ANK1: variants seen among roughly 807,000 people sequenced by gnomAD.
ANK1 encodes the protein ankyrin 1.
A neutral mutation model predicts 210.4 loss-of-function variants in ANK1; 51 were observed. The ratio of observed to expected loss-of-function variants is 0.24; its 90% CI spans 0.19 to 0.31. The LOEUF (loss-of-function observed/expected upper bound fraction) is 0.31, where lower values mean the gene tolerates loss of function less well. ANK1 is among the 10% of genes least tolerant of loss of function. The probability of loss-of-function intolerance (pLI) is 1.00; values close to 1 mark genes in which losing one functional copy is unlikely to be tolerated. For missense variants in ANK1, 2,051 were observed against 2,504.4 expected (o/e 0.82, Z 3.86); for synonymous variants, 967 against 1,025.9 (o/e 0.94, Z 1.10).
chr8:41,862,352 A>T (rs1813424292), intron 1 of ANK1, among the ~76,000 whole-genome samples: 1 of 152,158 alleles, frequency 6.6e-6, no homozygotes, highest in African/African-American at 2.4e-5. Flanking sequence ...GCTGAAATGC[A>T]GGTGCATTGG....
At chr8:41,664,974 A>C in intron 39 of ANK1, 2 of 1,614,214 alleles carry the variant, frequency 1.2e-6, no homozygotes, top group South Asian at 2.2e-5. Flanking sequence ...GACCAGGAAG[A>C]AGCTCAGCAG....
chr8:41,871,106 A>G (rs971442214), intron 1 of ANK1, among the ~76,000 whole-genome samples: 3 of 152,132 alleles, frequency 2.0e-5, no homozygotes, highest in African/African-American at 4.8e-5. Context: ...GGCCTCTGCT[A>G]CTATGACCCA....
Position 41,716,772 on chromosome 8 carries a change from C to T in ANK1, c.1404+181G>A, listed in dbSNP as rs579414. On this transcript the variant is annotated intron_variant, in intron 13 of 42. Coordinates refer to ENST00000289734, the MANE Select transcript of ANK1 (RefSeq NM_000037.4). ...GAAATGTGGCTCTCATGCAGAAATACCCCTGGTCTTCTCAAACCCCCTGCA... is the reference window on the plus strand; with the variant it reads ...GAAATGTGGCTCTCATGCAGAAATATCCCTGGTCTTCTCAAACCCCCTGCA... Among the ~76,000 whole-genome samples the T allele has an allele frequency of 0.98, 149,870 of 152,310 alleles. 73,773 individuals are homozygous for T. The highest frequency in any genetic ancestry group is 1 in the East Asian group (5,172 of 5,172).
rs1820300550 is a variant in ANK1, at chr8:41,694,638, G to A, written c.3281C>T (p.Thr1094Met). ...CTTGGTGACGGCATTCTCCGGGAAC[G>A]TTGCCTGTACCAGGGGCACCAGCTT... ...KSKLVPLVQA[T>M]FPENAVTKRV... Residue 1094 changes from threonine to methionine, a missense_variant, in exon 28 of 43, where the codon ACG (threonine) becomes ATG (methionine). This residue lies in a region of ANK1 where 1,413 missense variants were observed against 1,707.4 expected (regional missense o/e 0.83). Coordinates refer to ENST00000289734, the MANE Select transcript of ANK1 (RefSeq NM_000037.4). This position sits in a 1 kb window ranked among gnomAD's most constrained non-coding sequence, Gnocchi z 5.7. 5 of 1,614,058 alleles carry A rather than the reference G, an allele frequency of 3.1e-6. No homozygotes were observed. The highest frequency in any genetic ancestry group is 1.7e-5 in the Admixed American group (1 of 60,020).
intron 1 of ANK1, among the ~76,000 whole-genome samples, chr8:41,873,290 T>C (rs985546438): frequency 1.3e-5 from 2 of 152,236 alleles, no homozygotes; most frequent in Non-Finnish European, 1.5e-5. Context: ...GAAGTCATAT[T>C]TGGTCCATCA....
In ANK1 at chr8:41,725,994, C is replaced by T. The variant is rs777694810; in HGVS notation, c.427-48G>A. ...TTGCTCTGACTCGTCTGACGCCAGC[C>T]GCCCTTCACACGGGACACACCCTTG... is the stretch of plus-strand genomic sequence containing the variant. On this transcript the variant is annotated intron_variant, in intron 5 of 42. Transcript: ENST00000289734. The T allele has an allele frequency of 1.5e-5, 24 of 1,593,078 alleles. No individual in the cohort carries two copies. The South Asian group carries it at 1.9e-4, about 13-fold the overall frequency.
chr8:41,879,231 A>C (rs1274277017), intron 1 of ANK1, among the ~76,000 whole-genome samples: 1 of 152,136 alleles, frequency 6.6e-6, no homozygotes, highest in Non-Finnish European at 1.5e-5. Flanking sequence ...TGGGGACCCC[A>C]GCTTCCCAGT....
intron 1 of ANK1, among the ~76,000 whole-genome samples, chr8:41,879,749 A>T (rs1475377901): frequency 2.0e-5 from 3 of 151,976 alleles, no homozygotes; most frequent in Admixed American, 2.0e-4. Flanking sequence ...TCAAAGCAAC[A>T]CTCCCCTGGA....
chr8:41,725,472 C>G (rs1246293660), intron 6 of ANK1, among the ~76,000 whole-genome samples: 1 of 152,192 alleles, frequency 6.6e-6, no homozygotes, highest in Non-Finnish European at 1.5e-5. Flanking sequence ...AGGCCGCCTC[C>G]TGGGGTTCCA....
Position 41,833,256 on chromosome 8 carries a change from C to A in ANK1, c.126+63099G>T, listed in dbSNP as rs545119798. The stretch of plus-strand genomic sequence containing the variant: ...CCCTAGATAGACTCTGCACCCAGCC[C>A]AGCCTCCCAGGTCTCCCCCAGTCAC... On this transcript the variant is annotated intron_variant, in intron 1 of 42. Transcript: ENST00000265709. 4.5e-4 allele frequency among the ~76,000 whole-genome samples: 68 copies of A among 152,308 alleles called. 1 individual carries two copies. The highest frequency in any genetic ancestry group is 6.8e-3 in the Middle Eastern group (2 of 294).
At chr8:41,662,889 T>A (rs1344489093) in intron 40 of ANK1, among the ~76,000 whole-genome samples, 1 of 152,162 alleles carries the variant, frequency 6.6e-6, no homozygotes, top group Non-Finnish European at 1.5e-5. Flanking sequence ...TAATATCTGC[T>A]ACCAATCCAA....
intron 2 of ANK1, among the ~76,000 whole-genome samples, chr8:41,749,126 T>A (rs1836998765): frequency 6.6e-6 from 1 of 152,158 alleles, no homozygotes; most frequent in Non-Finnish European, 1.5e-5. Context: ...GAATTTGTAA[T>A]CTTTTATCTG....
intron 1 of ANK1, among the ~76,000 whole-genome samples, chr8:41,873,726 G>A (rs1401846780): frequency 6.6e-6 from 1 of 152,226 alleles, no homozygotes; most frequent in Non-Finnish European, 1.5e-5. Context: ...GCACAGCTGT[G>A]GAGTGGAGCC....
chr8:41,705,950 A>G (rs1328141224), intron 18 of ANK1, among the ~76,000 whole-genome samples, 193 bp downstream of exon 18: 1 of 152,242 alleles, frequency 6.6e-6, no homozygotes, highest in Admixed American at 6.5e-5. Context: ...AGGTCTAGCA[A>G]ACTTTAAAAA....
rs1328960189 is a variant in ANK1 at position 41,653,956 on chromosome 8, C to G, written c.*1834G>C. 6.6e-6 allele frequency: 1 copy of G among 152,160 alleles called. No individual in the cohort carries two copies. The highest frequency in any genetic ancestry group is 6.5e-5 in the Admixed American group (1 of 15,290). 9.4% of individuals were successfully genotyped at this position (152,160 alleles called of 1,614,324 possible). On this transcript the variant is annotated 3_prime_UTR_variant, in exon 43 of 43. Transcript: ENST00000289734. ...CTGCCTGGCCGGGGGTGCACCGGGG[C>G]GGATTTGTGTGGGAAGCAGGGCCCC...
chr8:41,680,906 C>G (rs971041862), intron 37 of ANK1, among the ~76,000 whole-genome samples: 1 of 152,226 alleles, frequency 6.6e-6, no homozygotes, highest in Non-Finnish European at 1.5e-5. Context: ...CTCTGGTAGT[C>G]TCATGCAGCC....
At chr8:41,777,608 AT>A (rs201867660) in intron 1 of ANK1, among the ~76,000 whole-genome samples, 40 of 151,936 alleles carry the variant, frequency 2.6e-4, no homozygotes, top group South Asian at 6.3e-4. Context: ...ACAACAATAA[AT>A]AAAAACAAAC....
intron 35 of ANK1, among the ~76,000 whole-genome samples, chr8:41,687,811 C>G (rs1237845154): frequency 6.6e-6 from 1 of 152,078 alleles, no homozygotes; most frequent in South Asian, 2.1e-4. Flanking sequence ...TAAGATCTAC[C>G]CTGATGGTTG....
chr8:41,821,646 G>A (rs1281144780), intron 1 of ANK1, among the ~76,000 whole-genome samples: 3 of 152,188 alleles, frequency 2.0e-5, no homozygotes, highest in Non-Finnish European at 4.4e-5. Flanking sequence ...ACCCATGCTA[G>A]CTGCCAGGGA....
Sources: gnomAD v4.1 joint callset for allele counts (sites outside exome capture counted in the v4.1 genomes callset) on GRCh38, gnomAD v4.1.1 for gene constraint, gnomAD v4.1.1 regional missense constraint, Gnocchi (gnomAD v3.1) non-coding constraint, MANE v1.5 for transcripts, NCBI Gene and HGNC (gene_info 2026-07-23, HGNC 2026-07-21) for gene names.